The following GRIK1 variants were observed in gnomAD, a reference collection of about 807,000 sequenced individuals.
GRIK1 encodes the protein glutamate receptor ionotropic, kainate 1.
A neutral mutation model predicts 105.7 loss-of-function variants in GRIK1; 69 were observed. The ratio of observed to expected loss-of-function variants is 0.65; its 90% CI spans 0.54 to 0.80. The LOEUF is 0.80. Among genes scored for constraint, GRIK1 ranks in the 30% least tolerant of loss-of-function variants. The pLI is 0.00. For synonymous variants in GRIK1, 438 were observed against 431.3 expected, an observed-to-expected ratio of 1.02 and a Z score of -0.19; for missense variants, 1,109 against 1,167.3, an observed-to-expected ratio of 0.95 and a Z score of 0.73.
At chr21:29,846,463 G>GAGAGAGAAAGAAAGAA (rs1555898088) in intron 1 of GRIK1, among the ~76,000 whole-genome samples, 1 of 127,908 alleles carries the variant, frequency 7.8e-6, no homozygotes, top group Non-Finnish European at 1.6e-5. Flanking sequence ...GAAAGAGAGA[G>GAGAGAGAAAGAAAGAA]AGAAAGAAAG....
intron 9 of GRIK1, among the ~76,000 whole-genome samples, chr21:29,595,066 C>T (rs566363629): frequency 1.1e-4 from 16 of 152,036 alleles, no homozygotes; most frequent in Middle Eastern, 3.4e-3. Flanking sequence ...GAATTTTTGA[C>T]GGAGTTATAA....
chr21:29,924,148 G>T (rs922068932), intron 1 of GRIK1, among the ~76,000 whole-genome samples: 1 of 151,938 alleles, frequency 6.6e-6, no homozygotes, highest in African/African-American at 2.4e-5. Context: ...GACCAGCCTG[G>T]CCAACGTGGT....
chr21:29,880,854 A>T (rs1317165866), intron 1 of GRIK1, among the ~76,000 whole-genome samples: 1 of 152,090 alleles, frequency 6.6e-6, no homozygotes, highest in East Asian at 1.9e-4. Context: ...AGTGTTGCCC[A>T]CTGTCCCTCT....
intron 16 of GRIK1, 117 bp downstream of exon 16, chr21:29,554,932 TGGC>T: frequency 1.3e-6 from 1 of 756,668 alleles, no homozygotes; most frequent in Non-Finnish European, 2.1e-6. Context: ...AACTCAAAAA[TGGC>T]TCTTCTGGGC....
rs73186485 is a variant in GRIK1 at position 29,847,481 on chromosome 21, G to C, written c.118+91902C>G. 4.4e-3 allele frequency among the ~76,000 whole-genome samples: 677 copies of C among 152,272 alleles called. 1 individual carries two copies. The highest frequency in any genetic ancestry group is 7.2e-3 in the Non-Finnish European group (488 of 68,014). On this transcript the variant is annotated intron_variant, in intron 1 of 17. Transcript: ENST00000327783. ...GTGGTAGTGCGAACCTGTCAGCCAA[G>C]CTACTTAGCAGCTGAGGCAGGAGAA...
chr21:29,850,067 G>T (rs76828957), intron 1 of GRIK1, among the ~76,000 whole-genome samples: 2 of 152,266 alleles, frequency 1.3e-5, no homozygotes, highest in Admixed American at 1.3e-4. Flanking sequence ...GCATATGCCC[G>T]TGAAGTTTAT....
chr21:29,538,386 A>G (rs373267228), intron 16 of GRIK1, among the ~76,000 whole-genome samples: 1 of 152,130 alleles, frequency 6.6e-6, no homozygotes, highest in Non-Finnish European at 1.5e-5. Flanking sequence ...GAAAACAGAG[A>G]GGAGAATGGT....
At chr21:29,635,234 T>A (rs2062371840) in intron 7 of GRIK1, among the ~76,000 whole-genome samples, 1 of 152,038 alleles carries the variant, frequency 6.6e-6, no homozygotes, top group African/African-American at 2.4e-5. Flanking sequence ...GACACCAGAG[T>A]GGGAGACAGA....
intron 16 of GRIK1, among the ~76,000 whole-genome samples, chr21:29,545,026 G>C (rs1014992504): frequency 1.3e-5 from 2 of 152,242 alleles, no homozygotes; most frequent in African/African-American, 2.4e-5. Flanking sequence ...GAGCAGAGAA[G>C]TGTCAGTGGG....
chr21:29,553,490 T>A (rs2090171296), intron 16 of GRIK1: 3 of 1,475,168 alleles, frequency 2.0e-6, no homozygotes, highest in Middle Eastern at 2.0e-4. Context: ...AATACAAATA[T>A]CAACAACACC....
intron 1 of GRIK1, among the ~76,000 whole-genome samples, chr21:29,704,326 G>A (rs2063864925): frequency 6.6e-6 from 1 of 152,126 alleles, no homozygotes; most frequent in Non-Finnish European, 1.5e-5. Context: ...AAAGCAAAAA[G>A]CCTGCTTTTT....
intron 1 of GRIK1, among the ~76,000 whole-genome samples, chr21:29,820,092 T>TGCCATGTGACAGATA (rs2067258260): frequency 6.6e-6 from 1 of 152,108 alleles, no homozygotes; most frequent in Non-Finnish European, 1.5e-5. Context: ...ACAGAGTGCT[T>TGCCATGTGACAGATA]GCCATGTGAC....
chr21:29,876,914 A>G (rs2069212029), intron 1 of GRIK1, among the ~76,000 whole-genome samples: 1 of 152,202 alleles, frequency 6.6e-6, no homozygotes, highest in African/African-American at 2.4e-5. Flanking sequence ...ATTACAATCT[A>G]CTTAATAACC....
intron 2 of GRIK1, among the ~76,000 whole-genome samples, chr21:29,692,122 G>A (rs1011628330): frequency 5.3e-5 from 8 of 152,206 alleles, no homozygotes; most frequent in Non-Finnish European, 8.8e-5. Context: ...AATATTATTT[G>A]ACAGAAAATC....
intron 3 of GRIK1, among the ~76,000 whole-genome samples, chr21:29,679,649 G>A (rs1468029892): frequency 6.6e-6 from 1 of 152,078 alleles, no homozygotes; most frequent in Non-Finnish European, 1.5e-5. Context: ...ACCTGTTTCA[G>A]GTAATGACAA....
At chr21:29,781,390 T>C (rs1450830347) in intron 1 of GRIK1, among the ~76,000 whole-genome samples, 1 of 152,126 alleles carries the variant, frequency 6.6e-6, no homozygotes, top group Non-Finnish European at 1.5e-5. Context: ...ATAACTTTCA[T>C]GGCCTACTAT....
intron 4 of GRIK1, among the ~76,000 whole-genome samples, chr21:29,668,270 A>G (rs899774688): frequency 2.6e-5 from 4 of 152,202 alleles, no homozygotes; most frequent in Non-Finnish European, 5.9e-5. Context: ...TTAATTCACT[A>G]TGATTTTTAT....
At position 29,560,527 on chromosome 21, in the gene GRIK1, T is replaced by C. The variant is rs1233732309; in HGVS notation, c.2356+1097A>G. 3.6e-4 allele frequency among the ~76,000 whole-genome samples: 30 copies of C among 82,994 alleles called. 1 individual carries two copies. Among genetic ancestry groups the C allele is most frequent in the Admixed American group, 9.0e-4 (6 of 6,696 alleles). 54.4% of individuals were successfully genotyped at this position (82,994 alleles called of 152,430 possible). On this transcript the variant is annotated intron_variant, in intron 15 of 17. Coordinates refer to ENST00000327783, the MANE Select transcript of GRIK1 (RefSeq NM_001330994.2). ...TCCTTCCTTCCTTCCTTCCTTTCTT[T>C]CTTTCTTTCTTTCTTTCTTTCTTTC...
intron 1 of GRIK1, among the ~76,000 whole-genome samples, chr21:29,847,601 A>G (rs2068162486): frequency 1.3e-5 from 2 of 152,104 alleles, no homozygotes; most frequent in South Asian, 4.1e-4. Context: ...AAACAAACAA[A>G]CAAACAAAAA....
Sources: gnomAD v4.1 joint callset for allele counts (sites outside exome capture counted in the v4.1 genomes callset) on GRCh38, gnomAD v4.1.1 for gene constraint, MANE v1.5 for transcripts, NCBI Gene and HGNC (gene_info 2026-07-23, HGNC 2026-07-21) for gene names.